The following PARD3 variants were observed in gnomAD, a reference collection of about 807,000 sequenced individuals.
The protein encoded by PARD3 is partitioning defective 3 homolog.
A neutral mutation model predicts 155.4 loss-of-function variants in PARD3; 75 were observed. The ratio of observed to expected loss-of-function variants is 0.48; its 90% CI spans 0.40 to 0.58. PARD3 has a LOEUF of 0.58. PARD3 is among the 20% of genes least tolerant of loss of function. The pLI is 0.00. For synonymous variants in PARD3, 576 were observed against 610.5 expected, an observed-to-expected ratio of 0.94 and a Z score of 0.83; for missense variants, 1,642 against 1,721.7, an observed-to-expected ratio of 0.95 and a Z score of 0.82.
intron 22 of PARD3, among the ~76,000 whole-genome samples, chr10:34,225,577 C>G (rs1455768170): frequency 6.6e-6 from 1 of 152,160 alleles, no homozygotes; most frequent in Non-Finnish European, 1.5e-5. Flanking sequence ...AACTCCTGAC[C>G]TCAGGTGATC....
At chr10:34,692,975 G>A (rs1463960373) in intron 2 of PARD3, among the ~76,000 whole-genome samples, 1 of 152,166 alleles carries the variant, frequency 6.6e-6, no homozygotes, top group East Asian at 1.9e-4. Context: ...TATCATTAGA[G>A]AAATGCAAAT....
chr10:34,650,854 A>G (rs565653226), intron 2 of PARD3, among the ~76,000 whole-genome samples: 46 of 152,166 alleles, frequency 3.0e-4, no homozygotes, highest in African/African-American at 1.0e-3. Flanking sequence ...CCTACTAAAA[A>G]TACAAAATTA....
intron 16 of PARD3, 76 bp downstream of exon 16, chr10:34,341,551 T>C: frequency 8.9e-7 from 1 of 1,129,440 alleles, no homozygotes; most frequent in Non-Finnish European, 1.3e-6. Context: ...ATTAACTGTA[T>C]TTAGCAGTAA....
At chr10:34,319,583 T>A (rs927792949) in intron 19 of PARD3, among the ~76,000 whole-genome samples, 1 of 152,220 alleles carries the variant, frequency 6.6e-6, no homozygotes, top group African/African-American at 2.4e-5. Flanking sequence ...TGAAAATCCA[T>A]AATCTTACAA....
At chr10:34,638,880 G>A (rs776663955) in intron 2 of PARD3, among the ~76,000 whole-genome samples, 40 of 152,202 alleles carry the variant, frequency 2.6e-4, no homozygotes, top group Non-Finnish European at 2.1e-4. Flanking sequence ...TACTATATAC[G>A]TATGATTTAT....
chr10:34,322,393 A>G (rs1401302241), intron 19 of PARD3, among the ~76,000 whole-genome samples: 1 of 152,214 alleles, frequency 6.6e-6, no homozygotes. Flanking sequence ...AACTCAAGTT[A>G]TGTAGGAAAA....
chr10:34,722,123 T>C (rs772231969), intron 1 of PARD3, among the ~76,000 whole-genome samples: 36 of 152,142 alleles, frequency 2.4e-4, no homozygotes, highest in Non-Finnish European at 4.0e-4. Context: ...GCCCAGGGAG[T>C]TCAAGGCTGC....
intron 4 of PARD3, among the ~76,000 whole-genome samples, chr10:34,455,805 T>C (rs1023492184): frequency 2.0e-5 from 3 of 152,192 alleles, no homozygotes; most frequent in Non-Finnish European, 2.9e-5. Flanking sequence ...TGTCTATTCC[T>C]AAGTATAATG....
intron 2 of PARD3, among the ~76,000 whole-genome samples, chr10:34,551,773 C>G (rs2084593712): frequency 6.6e-6 from 1 of 152,176 alleles, no homozygotes; most frequent in African/African-American, 2.4e-5. Context: ...AGGAGCAAAG[C>G]CTGTGTTCCC....
At chr10:34,446,261 A>G (rs2076734485) in intron 5 of PARD3, among the ~76,000 whole-genome samples, 1 of 152,168 alleles carries the variant, frequency 6.6e-6, no homozygotes, top group South Asian at 2.1e-4. Context: ...TAACTCCCAC[A>G]TATTCCCTAG....
rs1836168739 is a variant in PARD3, at chr10:34,336,217, C to A, written c.2587G>T (p.Val863Leu). The A allele has an allele frequency of 6.2e-7, 1 of 1,612,626 alleles. No individual in the cohort carries two copies. Among genetic ancestry groups the A allele is most frequent in the African/African-American group, 1.3e-5 (1 of 74,978 alleles). Reference protein sequence around the residue: ...GIADETKLNTVDDQKAGSPSR... With the variant: ...GIADETKLNTLDDQKAGSPSR... ...TTCTTACCTGCTTTCTGGTCATCCACTGTATTGAGTTTAGTCTCGTCAGCT... is the reference window on the plus strand; with the variant it reads ...TTCTTACCTGCTTTCTGGTCATCCAATGTATTGAGTTTAGTCTCGTCAGCT... Residue 863 changes from valine to leucine, a missense_variant, in exon 18 of 25, where the codon GTG (valine) becomes TTG (leucine). This residue lies in a region of PARD3 where 1,529 missense variants were observed against 1,587.3 expected (regional missense o/e 0.96). Transcript: ENST00000374788.
intron 2 of PARD3, among the ~76,000 whole-genome samples, chr10:34,639,973 T>C (rs776552956): frequency 2.3e-4 from 35 of 152,216 alleles, no homozygotes; most frequent in Non-Finnish European, 4.1e-4. Flanking sequence ...TTAAACACCA[T>C]GTTACATACA....
chr10:34,291,152 A>T lies in PARD3; in HGVS notation c.3066-6907T>A, dbSNP rs750831720. ...ACTTACTTTTGCTTAAAGTCCTAATAGGTAATTGCTATAGATTTTATTCAA... is the reference window on the plus strand; with the variant it reads ...ACTTACTTTTGCTTAAAGTCCTAATTGGTAATTGCTATAGATTTTATTCAA... On this transcript the variant is annotated intron_variant, in intron 20 of 24. Transcript: ENST00000374788. Among the ~76,000 whole-genome samples the T allele has an allele frequency of 2.5e-4, 38 of 152,274 alleles. No homozygotes were observed. The Middle Eastern group carries it at 0.01, about 41-fold the overall frequency.
intron 20 of PARD3, among the ~76,000 whole-genome samples, chr10:34,301,844 C>G (rs1056692180): frequency 1.8e-5 from 2 of 111,486 alleles, no homozygotes; most frequent in African/African-American, 6.9e-5. Context: ...TTTTTAACAT[C>G]AAATCAAATA....
At chr10:34,611,938 T>TCC (rs2090934875) in intron 2 of PARD3, among the ~76,000 whole-genome samples, 1 of 4,130 alleles carries the variant, frequency 2.4e-4, no homozygotes, top group African/African-American at 5.1e-4. Flanking sequence ...GCGCCCCCCC[T>TCC]ACCCCCCCGC....
chr10:34,528,360 A>T (rs764712105), intron 2 of PARD3, among the ~76,000 whole-genome samples: 1 of 152,164 alleles, frequency 6.6e-6, no homozygotes, highest in Non-Finnish European at 1.5e-5. Context: ...GACCCAGAAT[A>T]ATGGAGATGG....
At chr10:34,523,471 G>C (rs1326382124) in intron 2 of PARD3, among the ~76,000 whole-genome samples, 2 of 152,180 alleles carry the variant, frequency 1.3e-5, no homozygotes, top group Non-Finnish European at 2.9e-5. Flanking sequence ...CCTGGATAAA[G>C]TACAAAACAT....
At chr10:34,419,943 T>C (rs966384801) in intron 5 of PARD3, among the ~76,000 whole-genome samples, 1 of 152,214 alleles carries the variant, frequency 6.6e-6, no homozygotes, top group South Asian at 2.1e-4. Flanking sequence ...CTCAACTGTA[T>C]TGACTGATTA....
intron 22 of PARD3, among the ~76,000 whole-genome samples, chr10:34,175,066 A>C (rs1249859225): frequency 6.6e-6 from 1 of 152,196 alleles, no homozygotes; most frequent in Non-Finnish European, 1.5e-5. Context: ...TTTTACTAAC[A>C]TCATTATTAA....
Sources: gnomAD v4.1 joint callset for allele counts (sites outside exome capture counted in the v4.1 genomes callset) on GRCh38, gnomAD v4.1.1 for gene constraint, gnomAD v4.1.1 regional missense constraint, MANE v1.5 for transcripts, NCBI Gene and HGNC (gene_info 2026-07-23, HGNC 2026-07-21) for gene names.